The following WNK2 variants were observed in gnomAD, a reference collection of about 807,000 sequenced individuals.
The protein encoded by WNK2 is WNK lysine deficient protein kinase 2.
A neutral mutation model predicts 192.1 loss-of-function variants in WNK2; 67 were observed. The observed-to-expected ratio is 0.35, with a 90% CI of 0.29 to 0.43. The LOEUF (loss-of-function observed/expected upper bound fraction) is 0.43, where lower values mean the gene tolerates loss of function less well. Among genes scored for constraint, WNK2 ranks in the 20% least tolerant of loss-of-function variants. The pLI, the probability that WNK2 is intolerant of heterozygous loss-of-function variation, is 1.00. For missense variants in WNK2, 2,698 were observed against 3,089.7 expected, an observed-to-expected ratio of 0.87 and a Z score of 3.01; for synonymous variants, 1,439 against 1,393.9, an observed-to-expected ratio of 1.03 and a Z score of -0.72.
chr9:93,211,196 A>G (rs62646611), intron 2 of WNK2, among the ~76,000 whole-genome samples: 151 of 4,440 alleles, frequency 0.034, 14 homozygotes, highest in African/African-American at 0.094. Context: ...TCACACACTC[A>G]CACATTTACT....
Position 93,234,791 on chromosome 9 carries a change from G to A in WNK2, c.1076-17G>A. ...CCGTGGCCAGCTGACAGCTGCGTCT[G>A]TTGCTTCCGGGCACAGGTACTCCCG... On this transcript the variant is annotated splice_polypyrimidine_tract_variant and intron_variant, in intron 4 of 29. Coordinates refer to ENST00000427277, the MANE Select transcript of WNK2 (RefSeq NM_006648.4). 6.2e-7 allele frequency: 1 copy of A among 1,607,954 alleles called. No individual in the cohort carries two copies. The highest frequency in any genetic ancestry group is 8.5e-7 in the Non-Finnish European group (1 of 1,175,116).
intron 7 of WNK2, among the ~76,000 whole-genome samples, chr9:93,244,990 C>T (rs751257087): frequency 2.0e-5 from 3 of 152,092 alleles, no homozygotes; most frequent in Non-Finnish European, 2.9e-5. Flanking sequence ...CTGACTGAGC[C>T]GTAAGCTTCT....
rs1355562656 is a variant in WNK2 at position 93,229,868 on chromosome 9, C to T, written c.854C>T (p.Thr285Ile). 10 of 1,612,762 alleles carry T rather than the reference C, an allele frequency of 6.2e-6. No individual in the cohort carries two copies. Among genetic ancestry groups the T allele is most frequent in the Non-Finnish European group, 7.6e-6 (9 of 1,179,186 alleles). The stretch of plus-strand genomic sequence containing the variant: ...CTGATGACCTCAGGGACGCTGAAGA[C>T]GTAAGCTCCGCTTCCTGAGGGCTGG... ...TELMTSGTLK[T>I]YLKRFKVMKP... Residue 285 changes from threonine (T) to isoleucine (I), a missense_variant and splice_region_variant, in exon 3 of 30, where the codon ACA becomes ATA. This residue lies in a region of WNK2 where 230 missense variants were observed against 501.1 expected (regional missense o/e 0.46). Coordinates refer to ENST00000427277, the MANE Select transcript of WNK2 (RefSeq NM_006648.4). The surrounding 1 kb of genome is among the most constrained non-coding windows in gnomAD (Gnocchi z 4.9).
At chr9:93,289,853 C>G (rs1277831709) in intron 20 of WNK2, 125 bp from the exon 21 acceptor site, 2 of 1,002,382 alleles carry the variant, frequency 2.0e-6, no homozygotes, top group East Asian at 5.2e-5. Flanking sequence ...CCCATCCATG[C>G]ACACACAGGG....
intron 28 of WNK2, among the ~76,000 whole-genome samples, chr9:93,311,613 T>TTGTGTGTGTGTGTG (rs71364368): frequency 0.16 from 23,050 of 145,984 alleles, 2,017 homozygotes; most frequent in Admixed American, 0.24. Flanking sequence ...GTTTTTTTGT[T>TTGTGTGTGTGTGTG]TGTGTGTGTG....
chr9:93,248,171 G>T (rs1842054942), intron 8 of WNK2, among the ~76,000 whole-genome samples: 1 of 152,256 alleles, frequency 6.6e-6, no homozygotes, highest in Non-Finnish European at 1.5e-5. Flanking sequence ...GCAGACCCAA[G>T]CACTGGGATG....
chr9:93,266,298 G>A (rs1845163184), intron 16 of WNK2, among the ~76,000 whole-genome samples: 1 of 152,186 alleles, frequency 6.6e-6, no homozygotes, highest in Non-Finnish European at 1.5e-5. Context: ...TCATCATTCT[G>A]ACCATGACGA....
chr9:93,268,837 C>T, intron 19 of WNK2, 91 bp downstream of exon 19: 1 of 1,575,756 alleles, frequency 6.3e-7, no homozygotes, highest in South Asian at 1.2e-5. Context: ...GCCCCGTGCC[C>T]AGGTCCATGC....
intron 12 of WNK2, among the ~76,000 whole-genome samples, chr9:93,261,569 G>T (rs1414875309): frequency 6.6e-6 from 1 of 152,222 alleles, no homozygotes; most frequent in Non-Finnish European, 1.5e-5. Context: ...ACGGAGCCCC[G>T]TTCCTGGCCT....
chr9:93,263,372 C>G, intron 14 of WNK2, 194 bp from the exon 15 acceptor site: 1 of 656,902 alleles, frequency 1.5e-6, no homozygotes, highest in Non-Finnish European at 2.6e-6. Flanking sequence ...CTGCCCGTGC[C>G]ACTTGGGTGC....
intron 2 of WNK2, among the ~76,000 whole-genome samples, chr9:93,200,726 G>A (rs1309188081): frequency 1.3e-5 from 2 of 152,192 alleles, no homozygotes; most frequent in Non-Finnish European, 2.9e-5. Flanking sequence ...GGCCACATGG[G>A]CTCAGGGTGT....
intron 16 of WNK2, among the ~76,000 whole-genome samples, chr9:93,266,776 T>C (rs933333041): frequency 2.0e-5 from 3 of 152,124 alleles, no homozygotes; most frequent in African/African-American, 7.2e-5. Flanking sequence ...TTCAGCCAGC[T>C]GTTTATAGTA....
At chr9:93,290,458 T>C (rs1849170354) in intron 21 of WNK2, among the ~76,000 whole-genome samples, 1 of 152,142 alleles carries the variant, frequency 6.6e-6, no homozygotes, top group African/African-American at 2.4e-5. Context: ...GCCCCTGACT[T>C]AATTAAAACC....
At chr9:93,208,405 C>T (rs1310952489) in intron 2 of WNK2, among the ~76,000 whole-genome samples, 1 of 152,224 alleles carries the variant, frequency 6.6e-6, no homozygotes, top group Non-Finnish European at 1.5e-5. Context: ...TGTGTCCTGC[C>T]ATTTGGCTGG....
At position 93,256,339 on chromosome 9, in the gene WNK2, C is replaced by T; in HGVS notation, c.2075C>T (p.Pro692Leu). 6.3e-7 allele frequency: 1 copy of T among 1,584,104 alleles called. No individual in the cohort carries two copies. The highest frequency in any genetic ancestry group is 8.5e-7 in the Non-Finnish European group (1 of 1,171,836). Residue 692 changes from proline (P) to leucine (L), a missense_variant, in exon 10 of 30, where the codon CCT becomes CTT. Pro to Leu is a moderately conservative substitution (Grantham distance 98). Transcript: ENST00000427277. ...PVGSVPAPAC[P>L]PSLQQHFPDP... is the part of the protein sequence containing the mutation. ...GGCTCTGTCCCGGCCCCCGCCTGCC[C>T]TCCGTCCCTCCAGCAGCACTTCCCG...
At position 93,258,984 on chromosome 9, in the gene WNK2, C is replaced by T. The variant is rs1843746720; in HGVS notation, c.2436C>T (p.Gly812=). The T allele has an allele frequency of 6.2e-7, 1 of 1,612,778 alleles. No homozygotes were observed. The highest frequency in any genetic ancestry group is 8.5e-7 in the Non-Finnish European group (1 of 1,179,766). Residue 812 remains glycine (G), a synonymous_variant, in exon 12 of 30, where the codon GGC becomes GGT. Coordinates refer to ENST00000427277, the MANE Select transcript of WNK2 (RefSeq NM_006648.4). The part of the protein sequence containing the change: ...PPITPLAGID[G]LPPALPDLPT... ...TCACGCCCCTGGCGGGAATCGACGG[C>T]CTCCCTCCGGCCCTCCCAGACCTGC...
chr9:93,317,365 T>C, intron 28 of WNK2, 155 bp from the exon 29 acceptor site: 1 of 681,612 alleles, frequency 1.5e-6, no homozygotes, highest in Non-Finnish European at 2.5e-6. Flanking sequence ...CACACCATCA[T>C]TCTGGTGTCA....
intron 2 of WNK2, among the ~76,000 whole-genome samples, chr9:93,223,344 A>G (rs777247779): frequency 6.6e-6 from 1 of 152,230 alleles, no homozygotes; most frequent in Non-Finnish European, 1.5e-5. Context: ...CACAGAGGCC[A>G]CTTCCTCCAG....
intron 2 of WNK2, among the ~76,000 whole-genome samples, chr9:93,190,537 GC>G (rs1344691706): frequency 6.6e-6 from 1 of 152,234 alleles, no homozygotes; most frequent in Non-Finnish European, 1.5e-5. Context: ...CATGCCATTT[GC>G]CATTGCAAAT....
Sources: allele counts gnomAD v4.1 joint callset (sites outside exome capture counted in the v4.1 genomes callset), GRCh38; gene constraint gnomAD v4.1.1; regional missense constraint gnomAD v4.1.1; non-coding constraint Gnocchi (gnomAD v3.1); transcripts MANE v1.5; gene names NCBI Gene and HGNC (gene_info 2026-07-23, HGNC 2026-07-21).